DUS3L: variants seen among roughly 807,000 people sequenced by gnomAD.
DUS3L encodes dihydrouridine synthase 3 like, also known as tRNA-dihydrouridine(47) synthase [NAD(P)(+)]-like.
In DUS3L, 62 loss-of-function variants were observed where a neutral mutation model predicts 74.6. The ratio of observed to expected loss-of-function variants is 0.83; its 90% confidence interval spans 0.68 to 1.03. The LOEUF is 1.03. Among genes scored for constraint, DUS3L ranks in the 50% least tolerant of loss-of-function variants. The probability of loss-of-function intolerance (pLI) is 0.00; values close to 1 mark genes in which losing one functional copy is unlikely to be tolerated. For synonymous variants in DUS3L, 433 were observed against 395.7 expected, an observed-to-expected ratio of 1.09 and a Z score of -1.12; for missense variants, 884 against 924.4, an observed-to-expected ratio of 0.96 and a Z score of 0.57.
Position 5,790,288 on chromosome 19 carries a change from C to T in DUS3L, c.146G>A (p.Gly49Glu), listed in dbSNP as rs2056897321. 1 of 1,614,180 alleles carries T rather than the reference C, an allele frequency of 6.2e-7. No individual in the cohort carries two copies. The change falls in exon 2 of 13, where the codon GGG becomes GAG. Residue 49 changes from glycine to glutamate, a missense_variant. Physicochemically the swap from Gly to Glu is moderately conservative, Grantham distance 98. Coordinates refer to ENST00000309061, the MANE Select transcript of DUS3L (RefSeq NM_020175.3). ...GGTTTCCCGGCAAGTCTTCTCCTGC[C>T]CTTTGGCTTCCAGGAATTGGTGAAA... is the stretch of plus-strand genomic sequence containing the variant. ...EQFHQFLEAK[G>E]QEKTCRETEV...
chr19:5,788,176 A>C lies in DUS3L; in HGVS notation c.943T>G (p.Cys315Gly), dbSNP rs775009437. 6.2e-7 allele frequency: 1 copy of C among 1,613,388 alleles called. No individual in the cohort carries two copies. Among genetic ancestry groups the C allele is most frequent in the Non-Finnish European group, 8.5e-7 (1 of 1,180,010 alleles). The change falls in exon 5 of 13, where the codon TGT becomes GGT. Residue 315 changes from cysteine to glycine, a missense_variant and splice_region_variant. Cys to Gly is a radical substitution (Grantham distance 159). Transcript: ENST00000309061. ...ATCCGTCGGAAGGGCAGGTTCCCAC[A>C]CTGCGGGGGGAGCAGGACAGACACA... Reference protein sequence around the residue: ...GKLYLAPLTTCGNLPFRRICK... With the variant: ...GKLYLAPLTTGGNLPFRRICK...
chr19:5,786,894 G>T, intron 8 of DUS3L, 49 bp from the exon 9 acceptor site: 6 of 1,553,284 alleles, frequency 3.9e-6, no homozygotes, highest in Non-Finnish European at 4.3e-6. Flanking sequence ...GTGAGACGCA[G>T]AGAGGAAGAG....
At chr19:5,787,479 C>A in intron 6 of DUS3L, 110 bp downstream of exon 6, 1 of 1,508,714 alleles carries the variant, frequency 6.6e-7, no homozygotes, top group Non-Finnish European at 9.1e-7. Flanking sequence ...GCAGGGACTC[C>A]AGGGCCACAC....
chr19:5,789,574 C>T lies in DUS3L; in HGVS notation c.533G>A (p.Arg178His). The change falls in exon 3 of 13, where the codon CGC (arginine) becomes CAC (histidine). Residue 178 changes from arginine (R) to histidine (H), a missense_variant. Physicochemically the swap from Arg to His is conservative, Grantham distance 29. Transcript: ENST00000309061. ...FGRCPYGVTC[R>H]FAGAHLRPEG... Reference sequence around the variant, plus strand: ...GGGCCTCAGGTGGGCCCCAGCGAAGCGGCAGGTCACGCCGTAGGGGCACCG... The same window carrying T: ...GGGCCTCAGGTGGGCCCCAGCGAAGTGGCAGGTCACGCCGTAGGGGCACCG... 6.3e-7 allele frequency: 1 copy of T among 1,587,924 alleles called. No homozygotes were observed. Among genetic ancestry groups the T allele is most frequent in the African/African-American group, 1.3e-5 (1 of 74,712 alleles).
intron 6 of DUS3L, 46 bp from the exon 7 acceptor site, chr19:5,787,407 C>A: frequency 1.3e-6 from 2 of 1,599,224 alleles, no homozygotes; most frequent in Non-Finnish European, 1.7e-6. Context: ...GTGGGCTGAC[C>A]CAAGACCCCT....
chr19:5,786,912 G>A (rs749458930), intron 8 of DUS3L, 67 bp from the exon 9 acceptor site: 7 of 1,525,004 alleles, frequency 4.6e-6, no homozygotes, highest in Non-Finnish European at 5.3e-6. Context: ...GAGACCAAGA[G>A]AGCCAGGCTG....
chr19:5,789,755 G>A (rs1293798358), intron 2 of DUS3L, 36 bp from the exon 3 acceptor site: 1 of 1,566,788 alleles, frequency 6.4e-7, no homozygotes, highest in African/African-American at 1.4e-5. Context: ...GGGAGGACAG[G>A]GAGACCCCGG....
In DUS3L at chr19:5,789,471, T is replaced by C. The variant is rs2056887889; in HGVS notation, c.636A>G (p.Lys212=). ...QPPSIRNGLD[K]ALQQQLRKRE... ...GCTTCCGCAGCTGCTGCTGCAGGGC[T>C]TTGTCCAGGCCGTTGCGGATGGACG... Residue 212 remains lysine (K), a synonymous_variant, in exon 3 of 13, where the codon AAA becomes AAG. Coordinates refer to ENST00000309061, the MANE Select transcript of DUS3L (RefSeq NM_020175.3). 6.2e-7 allele frequency: 1 copy of C among 1,603,294 alleles called. No individual in the cohort carries two copies. Among genetic ancestry groups the C allele is most frequent in the African/African-American group, 1.3e-5 (1 of 74,900 alleles).
In DUS3L at chr19:5,785,179, G is replaced by A. The variant is rs372419084; in HGVS notation, c.*24C>T. The A allele has an allele frequency of 5.0e-6, 8 of 1,590,564 alleles. No individual in the cohort carries two copies. The highest frequency in any genetic ancestry group is 2.7e-5 in the African/African-American group (2 of 74,590). On this transcript the variant is annotated 3_prime_UTR_variant, in exon 13 of 13. Transcript: ENST00000309061. ...AATTTATTGTACTCTCCTCGCCCCA[G>A]GGTGCCCCTGGGAAAGCCTGAGGCT...
chr19:5,787,422 C>A, intron 6 of DUS3L, 61 bp from the exon 7 acceptor site: 1 of 1,585,368 alleles, frequency 6.3e-7, no homozygotes. Context: ...ACCCCTCACC[C>A]CTGCTGCCCG....
intron 2 of DUS3L, 126 bp downstream of exon 2, chr19:5,789,921 A>G: frequency 7.3e-7 from 1 of 1,371,296 alleles, no homozygotes; most frequent in East Asian, 2.5e-5. Context: ...TGAAGACGGA[A>G]TGGCATCAGA....
chr19:5,785,156 T>C lies in DUS3L; in HGVS notation c.*47A>G, dbSNP rs1252041976. ...AGGCCTGGATTTTAAAAGAATAAAA[T>C]TTATTGTACTCTCCTCGCCCCAGGG... On this transcript the variant is annotated 3_prime_UTR_variant, in exon 13 of 13. Transcript: ENST00000309061. The C allele has an allele frequency of 6.5e-7, 1 of 1,550,060 alleles. No homozygotes were observed. Among genetic ancestry groups the C allele is most frequent in the Admixed American group, 1.9e-5 (1 of 51,334 alleles).
Position 5,789,450 on chromosome 19 carries a change from C to T in DUS3L, c.657G>A (p.Arg219=). The change falls in exon 3 of 13, where the codon CGG becomes CGA. Residue 219 remains arginine, a synonymous_variant. Coordinates refer to ENST00000309061, the MANE Select transcript of DUS3L (RefSeq NM_020175.3). The stretch of plus-strand genomic sequence containing the variant: ...CTCGCTCGAAGCGGACCTCGCGCTT[C>T]CGCAGCTGCTGCTGCAGGGCTTTGT... ...GLDKALQQQL[R]KREVRFERAE... 6.2e-7 allele frequency: 1 copy of T among 1,601,448 alleles called. No individual in the cohort carries two copies. The highest frequency in any genetic ancestry group is 1.1e-5 in the South Asian group (1 of 90,628).
At chr19:5,787,008 G>T in intron 8 of DUS3L, 53 bp downstream of exon 8, 1 of 1,494,788 alleles carries the variant, frequency 6.7e-7, no homozygotes. Context: ...CCATTAGGAA[G>T]GGACGCGGGG....
chr19:5,786,938 G>C (rs767549301), intron 8 of DUS3L, 93 bp from the exon 9 acceptor site: 4 of 1,496,604 alleles, frequency 2.7e-6, no homozygotes, highest in Non-Finnish European at 3.6e-6. Context: ...GACAGAGAGA[G>C]ACACAGGCGG....
rs1364284645 is a variant in DUS3L at position 5,789,032 on chromosome 19, T to C, written c.900+175A>G. On this transcript the variant is annotated intron_variant, in intron 3 of 12. Coordinates refer to ENST00000309061, the MANE Select transcript of DUS3L (RefSeq NM_020175.3). ...CTGTCCAGCTCTTTCTGTCCCCACC[T>C]CCTGAGGGCTGGGCCCAGGACAGAG... 6.6e-6 allele frequency: 5 copies of C among 756,556 alleles called. No individual in the cohort carries two copies. In the Admixed American group the frequency reaches 1.9e-4, roughly 29 times the overall value. 46.9% of individuals were successfully genotyped at this position (756,556 alleles called of 1,614,324 possible). A position where few individuals can be genotyped will look rare whatever the true frequency, so the allele number is the denominator to read the frequency against.
Position 5,787,160 on chromosome 19 carries a change from C to A in DUS3L, c.1290G>T (p.Val430=). 1.2e-6 allele frequency: 1 copy of A among 825,018 alleles called. No individual in the cohort carries two copies. The highest frequency in any genetic ancestry group is 1.4e-6 in the Non-Finnish European group (1 of 728,772). The allele number at this position is 825,018 out of a possible 1,614,324, so 51.1% of individuals were successfully genotyped here. A position where few individuals can be genotyped will look rare whatever the true frequency, so the allele number is the denominator to read the frequency against. ...CTGTGCGGATCTTCACAGTCAGCGG[C>A]ACATCCAGCACCTACAGGACGGTGG... ...IVRGMNQVLD[V]PLTVKIRTGV... The change falls in exon 8 of 13, where the codon GTG becomes GTT. Residue 430 remains valine, a synonymous_variant. Transcript: ENST00000309061.
chr19:5,785,991 C>G (rs1480939896), intron 10 of DUS3L, 200 bp from the exon 11 acceptor site: 1 of 618,870 alleles, frequency 1.6e-6, no homozygotes, highest in Non-Finnish European at 2.7e-6. Context: ...GCTCTGTCGC[C>G]CAGGCTGGGG....
At chr19:5,789,857 CTCCATT>C in intron 2 of DUS3L, 138 bp from the exon 3 acceptor site, 1 of 1,320,102 alleles carries the variant, frequency 7.6e-7, no homozygotes, top group Non-Finnish European at 1.0e-6. Context: ...GCCTCTGCAT[CTCCATT>C]TATACAATGA....
Sources: gnomAD v4.1 joint callset for allele counts on GRCh38, gnomAD v4.1.1 for gene constraint, MANE v1.5 for transcripts, NCBI Gene and HGNC (gene_info 2026-07-23, HGNC 2026-07-21) for gene names.